The following IMMP2L variants were observed in gnomAD, a reference collection of about 807,000 sequenced individuals.
IMMP2L encodes mitochondrial inner membrane protease subunit 2.
A neutral mutation model predicts 19.3 loss-of-function variants in IMMP2L; 18 were observed. That is an observed-to-expected ratio of 0.93 (90% CI 0.64 to 1.38). The LOEUF (loss-of-function observed/expected upper bound fraction) is 1.38. Among genes scored for constraint, IMMP2L ranks in the 40% most tolerant of loss-of-function variants. IMMP2L has a pLI of 0.00. For missense variants in IMMP2L, 233 were observed against 218.2 expected (o/e 1.07, Z -0.43); for synonymous variants, 76 against 73.0 (o/e 1.04, Z -0.21).
At chr7:111,063,115 C>G (rs1218596786) in intron 3 of IMMP2L, among the ~76,000 whole-genome samples, 1 of 152,246 alleles carries the variant, frequency 6.6e-6, no homozygotes, top group African/African-American at 2.4e-5. Flanking sequence ...ACCCCTACAG[C>G]AAACTTCTGC....
At chr7:110,899,463 T>G (rs1449077808) in intron 4 of IMMP2L, among the ~76,000 whole-genome samples, 1 of 152,164 alleles carries the variant, frequency 6.6e-6, no homozygotes, top group East Asian at 1.9e-4. Context: ...CCATACTACA[T>G]TCCATATTTG....
rs1462565856 is a variant in IMMP2L, at chr7:111,460,633, A to C, written c.239+26605T>G. Among the ~76,000 whole-genome samples, 3 of 152,160 alleles carry C rather than the reference A, an allele frequency of 2.0e-5. No homozygotes were observed. The East Asian group carries it at 5.8e-4, about 29-fold the overall frequency. ...CAAATTTTTCCACAAGGAAAATCCT[A>C]TCAAAATCCTTCTTTGATATTATTT... On this transcript the variant is annotated intron_variant, in intron 3 of 5. Transcript: ENST00000405709.
intron 5 of IMMP2L, among the ~76,000 whole-genome samples, chr7:110,678,540 T>C (rs922059423): frequency 1.3e-5 from 2 of 152,044 alleles, no homozygotes; most frequent in Non-Finnish European, 2.9e-5. Flanking sequence ...GCTGGAAATA[T>C]ACAGAAGGTA....
chr7:110,692,247 A>C (rs1793558694), intron 5 of IMMP2L, among the ~76,000 whole-genome samples: 1 of 152,190 alleles, frequency 6.6e-6, no homozygotes, highest in Non-Finnish European at 1.5e-5. Flanking sequence ...CAGGAATGGA[A>C]AACCAAATAC....
intron 3 of IMMP2L, among the ~76,000 whole-genome samples, chr7:110,979,025 T>C (rs1344945482): frequency 6.6e-6 from 1 of 152,010 alleles, no homozygotes; most frequent in Non-Finnish European, 1.5e-5. Context: ...AATTAAGGAG[T>C]TTGAGGTCAA....
chr7:111,529,551 A>G (rs982539458), intron 1 of IMMP2L, among the ~76,000 whole-genome samples: 1 of 152,172 alleles, frequency 6.6e-6, no homozygotes, highest in African/African-American at 2.4e-5. Flanking sequence ...AATTCTCAGG[A>G]AAGACCAAAA....
At chr7:111,549,477 T>C (rs1030943832) in intron 1 of IMMP2L, among the ~76,000 whole-genome samples, 8 of 152,206 alleles carry the variant, frequency 5.3e-5, no homozygotes, top group Non-Finnish European at 1.2e-4. Flanking sequence ...AACATCTGGA[T>C]ATTTATATTT....
chr7:110,896,827 G>T (rs1312495056), intron 4 of IMMP2L, among the ~76,000 whole-genome samples: 1 of 151,148 alleles, frequency 6.6e-6, no homozygotes, highest in Non-Finnish European at 1.5e-5. Context: ...TTTTTTTAGA[G>T]ACAAGGTCTC....
chr7:111,259,067 T>A (rs1817029837), intron 3 of IMMP2L, among the ~76,000 whole-genome samples: 1 of 152,082 alleles, frequency 6.6e-6, no homozygotes, highest in African/African-American at 2.4e-5. Flanking sequence ...TGTAAGCAAC[T>A]GTGACACAAT....
At chr7:111,288,882 C>T (rs1820784022) in intron 3 of IMMP2L, among the ~76,000 whole-genome samples, 1 of 151,936 alleles carries the variant, frequency 6.6e-6, no homozygotes, top group Non-Finnish European at 1.5e-5. Flanking sequence ...GATGTAGAAC[C>T]AGAAATACCA....
At chr7:111,317,205 C>T (rs1306239813) in intron 3 of IMMP2L, among the ~76,000 whole-genome samples, 2 of 152,090 alleles carry the variant, frequency 1.3e-5, no homozygotes, top group Non-Finnish European at 2.9e-5. Flanking sequence ...AGATTATTAT[C>T]CAGGCCTCTG....
chr7:111,189,346 G>A (rs1418585458), intron 3 of IMMP2L, among the ~76,000 whole-genome samples: 1 of 145,718 alleles, frequency 6.9e-6, no homozygotes, highest in East Asian at 2.0e-4. Flanking sequence ...AGACATCAGT[G>A]CTTTCATGTC....
chr7:111,077,603 C>T (rs1429428861), intron 3 of IMMP2L, among the ~76,000 whole-genome samples: 2 of 152,190 alleles, frequency 1.3e-5, no homozygotes, highest in African/African-American at 4.8e-5. Flanking sequence ...TCTGTTGCTC[C>T]CCTTAACTCC....
chr7:111,454,949 T>C (rs1263836886), intron 3 of IMMP2L, among the ~76,000 whole-genome samples: 1 of 151,990 alleles, frequency 6.6e-6, no homozygotes, highest in Non-Finnish European at 1.5e-5. Context: ...ATACAAAGTC[T>C]ATCAGGAAAA....
intron 3 of IMMP2L, among the ~76,000 whole-genome samples, chr7:111,313,857 G>T (rs1221473352): frequency 6.6e-6 from 1 of 152,132 alleles, no homozygotes; most frequent in East Asian, 1.9e-4. Flanking sequence ...CCCAGCACTG[G>T]AGGTGGGGCC....
intron 3 of IMMP2L, among the ~76,000 whole-genome samples, chr7:111,211,083 T>C (rs1007896372): frequency 1.3e-5 from 2 of 152,204 alleles, no homozygotes; most frequent in Non-Finnish European, 2.9e-5. Flanking sequence ...TATAAAACTT[T>C]GTGAAATCCC....
At chr7:111,503,657 T>G (rs568243104) in intron 2 of IMMP2L, among the ~76,000 whole-genome samples, 1 of 152,300 alleles carries the variant, frequency 6.6e-6, no homozygotes, top group South Asian at 2.1e-4. Context: ...GATGAAAGGC[T>G]AGTTCAACAT....
intron 3 of IMMP2L, among the ~76,000 whole-genome samples, chr7:111,143,751 A>G (rs754195199): frequency 3.3e-5 from 5 of 152,186 alleles, no homozygotes; most frequent in Non-Finnish European, 7.3e-5. Flanking sequence ...CATGAGGGCC[A>G]TATGAATCTC....
chr7:110,967,460 C>A (rs187512703), intron 3 of IMMP2L, among the ~76,000 whole-genome samples: 3 of 152,096 alleles, frequency 2.0e-5, no homozygotes, highest in Middle Eastern at 3.4e-3. Context: ...ATTCTCTTCT[C>A]CCATTTATGA....
Sources: allele counts gnomAD v4.1 joint callset (sites outside exome capture counted in the v4.1 genomes callset), GRCh38; gene constraint gnomAD v4.1.1; transcripts MANE v1.5; gene names NCBI Gene and HGNC (gene_info 2026-07-23, HGNC 2026-07-21).